Variants in ADAMTS12 observed in about 807,000 individuals in gnomAD.
ADAMTS12 encodes ADAM metallopeptidase with thrombospondin type 1 motif 12.
In ADAMTS12, 118 loss-of-function variants were observed where a neutral mutation model predicts 167.8. The ratio of observed to expected loss-of-function variants is 0.70; its 90% CI spans 0.61 to 0.82. The LOEUF (loss-of-function observed/expected upper bound fraction) is 0.82. Ranked by LOEUF, ADAMTS12 falls within the 40% of genes least tolerant of loss-of-function variation. The probability of loss-of-function intolerance (pLI) is 0.00; values close to 1 mark genes in which losing one functional copy is unlikely to be tolerated. For synonymous variants in ADAMTS12, 704 were observed against 716.9 expected (o/e 0.98, Z 0.29); for missense variants, 1,916 against 1,998.8 (o/e 0.96, Z 0.79).
At chr5:33,636,299 T>A (rs1724568171) in intron 12 of ADAMTS12, among the ~76,000 whole-genome samples, 1 of 152,156 alleles carries the variant, frequency 6.6e-6, no homozygotes, top group South Asian at 2.1e-4. Flanking sequence ...CAAATAGTTT[T>A]AACAAATCAA....
At chr5:33,577,210 C>T in intron 18 of ADAMTS12, 50 bp from the exon 19 acceptor site, 1 of 1,611,836 alleles carries the variant, frequency 6.2e-7, no homozygotes, top group Non-Finnish European at 8.5e-7. Context: ...TGCTTTTATT[C>T]TCATGGTTAG....
At chr5:33,765,141 C>A (rs1477805798) in intron 2 of ADAMTS12, among the ~76,000 whole-genome samples, 1 of 152,186 alleles carries the variant, frequency 6.6e-6, no homozygotes, top group Non-Finnish European at 1.5e-5. Flanking sequence ...AATAGACACA[C>A]ATATGCCCAC....
intron 16 of ADAMTS12, among the ~76,000 whole-genome samples, chr5:33,612,134 G>A (rs1262548706): frequency 6.6e-6 from 1 of 152,208 alleles, no homozygotes; most frequent in African/African-American, 2.4e-5. Flanking sequence ...CAGTAGATAT[G>A]CTGCTGTCTT....
At chr5:33,729,702 A>G (rs553606776) in intron 3 of ADAMTS12, among the ~76,000 whole-genome samples, 1 of 152,360 alleles carries the variant, frequency 6.6e-6, no homozygotes, top group African/African-American at 2.4e-5. Context: ...AGTCAGAGGC[A>G]TCACCCGATG....
intron 3 of ADAMTS12, among the ~76,000 whole-genome samples, chr5:33,691,111 G>T (rs1288529154): frequency 6.6e-6 from 1 of 152,198 alleles, no homozygotes; most frequent in Non-Finnish European, 1.5e-5. Context: ...TGTCCTCAGT[G>T]GTGAGCTGGC....
intron 23 of ADAMTS12, among the ~76,000 whole-genome samples, chr5:33,531,770 G>A (rs27675): frequency 0.48 from 73,087 of 151,946 alleles, 18,716 homozygotes; most frequent in East Asian, 0.77. Flanking sequence ...ACATGTTCTT[G>A]GAAACCATGA....
At position 33,614,124 on chromosome 5, in the gene ADAMTS12, G is replaced by T. The variant is rs531298551; in HGVS notation, c.2527+114C>A. On this transcript the variant is annotated intron_variant, in intron 16 of 23. Coordinates refer to ENST00000504830, the MANE Select transcript of ADAMTS12 (RefSeq NM_030955.4). ...TCCGCAGAGGCCCCTGGCCATCTCA[G>T]TGGAGCCCTGCAGATCCATGGGCAG... is the stretch of plus-strand genomic sequence containing the variant. 147 of 1,405,676 alleles carry T rather than the reference G, an allele frequency of 1.0e-4. No individual in the cohort carries two copies. In the East Asian group the frequency reaches 3.4e-3, roughly 33 times the overall value. 87.1% of individuals were successfully genotyped at this position (1,405,676 alleles called of 1,614,324 possible). A position where few individuals can be genotyped will look rare whatever the true frequency, so the allele number is the denominator to read the frequency against.
Position 33,525,186 on chromosome 5 carries a change from A to G in ADAMTS12, c.*2002T>C, listed in dbSNP as rs576960403. On this transcript the variant is annotated 3_prime_UTR_variant, in exon 24 of 24. Coordinates refer to ENST00000504830, the MANE Select transcript of ADAMTS12 (RefSeq NM_030955.4). ...GTAAATATCAGATTCTCCTCCACTC[A>G]TGTCACTAACAATTTAAGTGTCTCC... 11 of 152,360 alleles carry G rather than the reference A, an allele frequency of 7.2e-5. No homozygotes were observed. In the East Asian group the frequency reaches 1.2e-3, roughly 16 times the overall value. The allele number at this position is 152,360 out of a possible 1,614,324, so 9.4% of individuals were successfully genotyped here.
rs142864342 is a variant in ADAMTS12, at chr5:33,765,303, T to C, written c.490-13755A>G. Among the ~76,000 whole-genome samples, 573 of 152,332 alleles carry C rather than the reference T, an allele frequency of 3.8e-3. 9 individuals are homozygous for C. Among genetic ancestry groups the C allele is most frequent in the African/African-American group, 0.013 (560 of 41,564 alleles). ...ACATTCTCCTGCATAACCACAGTTC[T>C]GTTACTTCACCTGAGAGAATTAGTA... On this transcript the variant is annotated intron_variant, in intron 2 of 23. Transcript: ENST00000504830.
At chr5:33,726,082 C>A (rs375605954) in intron 3 of ADAMTS12, among the ~76,000 whole-genome samples, 9 of 152,332 alleles carry the variant, frequency 5.9e-5, no homozygotes, top group East Asian at 5.8e-4. Context: ...AGAATCCAAG[C>A]CTCCCATGTC....
chr5:33,841,840 G>T (rs73073034), intron 2 of ADAMTS12, among the ~76,000 whole-genome samples: 2,471 of 152,230 alleles, frequency 0.016, 62 homozygotes, highest in African/African-American at 0.057. Flanking sequence ...GGGTATTCTG[G>T]GAGAGAAGTA....
intron 2 of ADAMTS12, among the ~76,000 whole-genome samples, chr5:33,869,806 G>C (rs759234805): frequency 1.3e-5 from 2 of 152,154 alleles, no homozygotes; most frequent in Non-Finnish European, 2.9e-5. Flanking sequence ...GGGTTTGAGA[G>C]CAGACAACTG....
intron 5 of ADAMTS12, among the ~76,000 whole-genome samples, chr5:33,668,553 G>C (rs971856086): frequency 1.3e-5 from 2 of 152,164 alleles, no homozygotes; most frequent in African/African-American, 2.4e-5. Context: ...GCCCAGGCTG[G>C]AGTGCAGTAG....
chr5:33,674,722 G>A (rs993636018), intron 5 of ADAMTS12, among the ~76,000 whole-genome samples: 22 of 152,088 alleles, frequency 1.4e-4, no homozygotes, highest in African/African-American at 5.1e-4. Context: ...ATTATGCTGT[G>A]AGCAATAAAG....
intron 5 of ADAMTS12, among the ~76,000 whole-genome samples, chr5:33,680,946 C>G (rs758498899): frequency 9.9e-5 from 15 of 152,126 alleles, no homozygotes; most frequent in Admixed American, 1.3e-4. Flanking sequence ...CTCTACTAGG[C>G]AAAAACCATT....
chr5:33,883,299 T>TTTTG (rs535219444), intron 1 of ADAMTS12, among the ~76,000 whole-genome samples: 1 of 151,620 alleles, frequency 6.6e-6, no homozygotes, highest in Non-Finnish European at 1.5e-5. Flanking sequence ...AAAAGAGTTT[T>TTTTG]TTTGTTTGTT....
intron 23 of ADAMTS12, among the ~76,000 whole-genome samples, chr5:33,532,962 C>T (rs1367787770): frequency 2.0e-5 from 3 of 152,170 alleles, no homozygotes; most frequent in African/African-American, 7.2e-5. Context: ...ACTCTTCTTT[C>T]ATTTTCCTTC....
chr5:33,806,066 G>A (rs1747218120), intron 2 of ADAMTS12, among the ~76,000 whole-genome samples: 1 of 152,092 alleles, frequency 6.6e-6, no homozygotes. Context: ...ACAATTTCAA[G>A]TAAGATGAAT....
intron 9 of ADAMTS12, among the ~76,000 whole-genome samples, chr5:33,645,031 A>G (rs1011909664): frequency 6.6e-6 from 1 of 152,064 alleles, no homozygotes; most frequent in Non-Finnish European, 1.5e-5. Context: ...TACCCGGCCT[A>G]GGGTGGCTTT....
Sources: gnomAD v4.1 joint callset for allele counts (sites outside exome capture counted in the v4.1 genomes callset) on GRCh38, gnomAD v4.1.1 for gene constraint, MANE v1.5 for transcripts, NCBI Gene and HGNC (gene_info 2026-07-23, HGNC 2026-07-21) for gene names.